Variants in LSAMP observed in about 807,000 individuals in gnomAD.
LSAMP encodes the protein limbic system associated membrane protein.
LSAMP carries 7 observed loss-of-function variants against 38.6 expected under a neutral mutation model. The ratio of observed to expected loss-of-function variants is 0.18; its 90% CI spans 0.10 to 0.34. The LOEUF is 0.34. Ranked by LOEUF, LSAMP falls within the 10% of genes least tolerant of loss-of-function variation. The pLI, the probability that LSAMP is intolerant of heterozygous loss-of-function variation, is 1.00. For synonymous variants in LSAMP, 154 were observed against 166.8 expected, an observed-to-expected ratio of 0.92 and a Z score of 0.59; for missense variants, 313 against 420.0, an observed-to-expected ratio of 0.75 and a Z score of 2.23.
intron 2 of LSAMP, among the ~76,000 whole-genome samples, chr3:116,025,578 T>C (rs1021764845): frequency 2.0e-5 from 3 of 152,154 alleles, no homozygotes; most frequent in African/African-American, 7.2e-5. Context: ...TTGTTTCTTT[T>C]TTTATATTGA....
At chr3:116,400,523 G>A (rs1400441404) in intron 1 of LSAMP, among the ~76,000 whole-genome samples, 1 of 145,632 alleles carries the variant, frequency 6.9e-6, no homozygotes, top group African/African-American at 2.5e-5. Flanking sequence ...TCGTCACCCA[G>A]GCTGGAGTAC....
chr3:116,415,141 A>T (rs1187015613), intron 1 of LSAMP, among the ~76,000 whole-genome samples: 1 of 152,080 alleles, frequency 6.6e-6, no homozygotes, highest in Admixed American at 6.6e-5. Flanking sequence ...GTGAGATCAG[A>T]GCATTCTCCC....
At chr3:116,428,446 T>C (rs181059938) in intron 1 of LSAMP, among the ~76,000 whole-genome samples, 23 of 152,244 alleles carry the variant, frequency 1.5e-4, no homozygotes, top group Non-Finnish European at 1.5e-5. Flanking sequence ...GACAGATCTT[T>C]TGTCATCAAA....
At chr3:116,303,469 A>ATT (rs1559820718) in intron 1 of LSAMP, among the ~76,000 whole-genome samples, 1 of 152,160 alleles carries the variant, frequency 6.6e-6, no homozygotes, top group African/African-American at 2.4e-5. Flanking sequence ...ATTTTTTTCT[A>ATT]TTCTTTTTTT....
At chr3:116,412,872 T>C (rs1380320308) in intron 1 of LSAMP, among the ~76,000 whole-genome samples, 1 of 152,048 alleles carries the variant, frequency 6.6e-6, no homozygotes, top group Non-Finnish European at 1.5e-5. Flanking sequence ...ACATTAACTC[T>C]TTGAAGTTAA....
intron 1 of LSAMP, among the ~76,000 whole-genome samples, chr3:116,316,627 T>G (rs1012696462): frequency 1.3e-5 from 2 of 151,568 alleles, no homozygotes; most frequent in African/African-American, 4.9e-5. Flanking sequence ...AGAAATTAGC[T>G]GGGCAGGATG....
chr3:115,872,589 T>G (rs1178991954), intron 3 of LSAMP, among the ~76,000 whole-genome samples: 1 of 151,134 alleles, frequency 6.6e-6, no homozygotes. Flanking sequence ...CTCCCGAGAA[T>G]GGAAGAATGG....
At chr3:115,930,870 G>A (rs1053649351) in intron 3 of LSAMP, among the ~76,000 whole-genome samples, 8 of 151,996 alleles carry the variant, frequency 5.3e-5, no homozygotes. Context: ...CTTGGGATGA[G>A]GATCTAAGCC....
At chr3:115,917,492 T>A (rs536301380) in intron 3 of LSAMP, among the ~76,000 whole-genome samples, 3 of 150,366 alleles carry the variant, frequency 2.0e-5, no homozygotes, top group African/African-American at 7.2e-5. Context: ...TAAAACTTAC[T>A]TTTACTTTTA....
chr3:116,188,513 C>T (rs950148478), intron 1 of LSAMP, among the ~76,000 whole-genome samples: 1 of 152,112 alleles, frequency 6.6e-6, no homozygotes, highest in Non-Finnish European at 1.5e-5. Flanking sequence ...AAAACTGACT[C>T]CATCCTCTTG....
intron 3 of LSAMP, among the ~76,000 whole-genome samples, chr3:115,991,896 C>A (rs1559911314): frequency 6.6e-6 from 1 of 152,018 alleles, no homozygotes; most frequent in Non-Finnish European, 1.5e-5. Flanking sequence ...TAAGGCCATG[C>A]CATGCCCCAG....
At chr3:115,997,753 T>TATATACAC (rs1377845663) in intron 3 of LSAMP, among the ~76,000 whole-genome samples, 27 of 124,958 alleles carry the variant, frequency 2.2e-4, no homozygotes, top group African/African-American at 7.6e-4. Flanking sequence ...TATATATATA[T>TATATACAC]ACACACACAT....
intron 3 of LSAMP, among the ~76,000 whole-genome samples, chr3:115,855,755 T>TC (rs1477293215): frequency 1.3e-5 from 2 of 152,200 alleles, no homozygotes; most frequent in Non-Finnish European, 2.9e-5. Context: ...GACTGGCTGC[T>TC]CTCAACCCAA....
At chr3:115,832,939 T>C (rs2944405) in intron 6 of LSAMP, among the ~76,000 whole-genome samples, 67,616 of 151,944 alleles carry the variant, frequency 0.45, 15,701 homozygotes, top group African/African-American at 0.58. Context: ...CTTTTGTGAA[T>C]GGTGTCTGGC....
chr3:116,387,220 A>T (rs1177930235), intron 1 of LSAMP, among the ~76,000 whole-genome samples: 2 of 152,158 alleles, frequency 1.3e-5, no homozygotes, highest in African/African-American at 2.4e-5. Context: ...TGGAGAGGTA[A>T]AAATCTAGAA....
At chr3:116,212,839 G>C (rs1010355581) in intron 1 of LSAMP, among the ~76,000 whole-genome samples, 3 of 152,188 alleles carry the variant, frequency 2.0e-5, no homozygotes, top group African/African-American at 7.2e-5. Flanking sequence ...CTACAAGGGG[G>C]ATGGGAGCAG....
chr3:116,431,471 A>T (rs2049280946), intron 1 of LSAMP, among the ~76,000 whole-genome samples: 1 of 152,070 alleles, frequency 6.6e-6, no homozygotes, highest in African/African-American at 2.4e-5. Context: ...GGGTAGAGTG[A>T]TTTAATATGA....
intron 1 of LSAMP, among the ~76,000 whole-genome samples, chr3:116,411,558 T>A (rs545293551): frequency 3.3e-4 from 45 of 137,110 alleles, no homozygotes; most frequent in Non-Finnish European, 5.3e-4. Context: ...TTCTCACTCA[T>A]AGGTGGAAAC....
chr3:116,315,700 T>C (rs995233442), intron 1 of LSAMP, among the ~76,000 whole-genome samples: 3 of 152,250 alleles, frequency 2.0e-5, no homozygotes, highest in African/African-American at 7.2e-5. Flanking sequence ...GTGATATCTT[T>C]ATCTACCATC....
Sources: gnomAD v4.1 joint callset for allele counts (sites outside exome capture counted in the v4.1 genomes callset) on GRCh38, gnomAD v4.1.1 for gene constraint, MANE v1.5 for transcripts, NCBI Gene and HGNC (gene_info 2026-07-23, HGNC 2026-07-21) for gene names.